The following KIF3A variants were observed in gnomAD, a reference collection of about 807,000 sequenced individuals.
The protein encoded by KIF3A is kinesin family member 3A.
In KIF3A, 27 loss-of-function variants were observed where a neutral mutation model predicts 92.6. The observed-to-expected ratio is 0.29, with a 90% CI of 0.21 to 0.40. The LOEUF (loss-of-function observed/expected upper bound fraction) is 0.40. KIF3A is among the 10% of genes least tolerant of loss of function. The pLI is 1.00. For synonymous variants in KIF3A, 250 were observed against 275.4 expected (o/e 0.91, Z 0.92); for missense variants, 581 against 872.6 (o/e 0.67, Z 4.21).
In KIF3A at chr5:132,737,436, G is replaced by C; in HGVS notation, c.-17C>G. 6.2e-7 allele frequency: 1 copy of C among 1,603,560 alleles called. No homozygotes were observed. Reference sequence around the variant, plus strand: ...CACCGGCATCTTGGCCCCCTCCCGTGCCCGGCGGACGTCCCCGCCCGGGGT... The same window carrying C: ...CACCGGCATCTTGGCCCCCTCCCGTCCCCGGCGGACGTCCCCGCCCGGGGT... On this transcript the variant is annotated 5_prime_UTR_variant, in exon 1 of 19. Transcript: ENST00000403231.
intron 11 of KIF3A, among the ~76,000 whole-genome samples, chr5:132,705,989 T>C (rs985856927): frequency 6.6e-6 from 1 of 152,084 alleles, no homozygotes; most frequent in African/African-American, 2.4e-5. Context: ...GTTAATGCCA[T>C]AAACAGTATT....
intron 13 of KIF3A, 45 bp from the exon 14 acceptor site, chr5:132,702,713 A>G (rs1054954523): frequency 4.2e-6 from 6 of 1,425,438 alleles, no homozygotes; most frequent in Non-Finnish European, 4.9e-6. Context: ...TCTTTGTAAA[A>G]TCAAATATCT....
intron 18 of KIF3A, among the ~76,000 whole-genome samples, chr5:132,698,427 G>C (rs1298164238): frequency 6.6e-6 from 1 of 152,166 alleles, no homozygotes; most frequent in Non-Finnish European, 1.5e-5. Context: ...GTGCCCAAAG[G>C]AGAGGGGGAA....
At chr5:132,729,441 G>A (rs998842883) in intron 2 of KIF3A, among the ~76,000 whole-genome samples, 18 of 144,000 alleles carry the variant, frequency 1.3e-4, no homozygotes, top group Non-Finnish European at 1.8e-4. Flanking sequence ...GACAGGGTGA[G>A]ACCTTGTCTT....
intron 2 of KIF3A, among the ~76,000 whole-genome samples, chr5:132,731,276 A>G (rs1239798450): frequency 1.3e-5 from 2 of 152,202 alleles, no homozygotes; most frequent in Non-Finnish European, 2.9e-5. Context: ...AATTTTTTTA[A>G]TTTAGCAAAT....
At chr5:132,702,830 GAA>G in intron 13 of KIF3A, 53 bp downstream of exon 13, 1 of 1,548,434 alleles carries the variant, frequency 6.5e-7, no homozygotes, top group Non-Finnish European at 8.8e-7. Flanking sequence ...CTTTCCACTA[GAA>G]AAGTTAAATC....
Position 132,715,855 on chromosome 5 carries a change from T to C in KIF3A, c.1031A>G (p.Asn344Ser), listed in dbSNP as rs1753601124. The change falls in exon 8 of 19, where the codon AAT (asparagine) becomes AGT (serine). Residue 344 changes from asparagine (N) to serine (S), a missense_variant. Physicochemically the swap from Asn to Ser is conservative, Grantham distance 46 (BLOSUM62 1). Transcript: ENST00000403231. ...ATTAATTCTAGCTTTATTTTTAATA[T>C]TCTTAGCACGATTGGCATACCGTAA... ...STLRYANRAK[N>S]IKNKARINED... is the part of the protein sequence containing the mutation. The C allele has an allele frequency of 6.2e-7, 1 of 1,610,736 alleles. No individual in the cohort carries two copies. Among genetic ancestry groups the C allele is most frequent in the Non-Finnish European group, 8.5e-7 (1 of 1,177,400 alleles).
intron 8 of KIF3A, among the ~76,000 whole-genome samples, chr5:132,714,156 C>G (rs1406164551): frequency 6.6e-6 from 1 of 152,114 alleles, no homozygotes; most frequent in Admixed American, 6.5e-5. Flanking sequence ...CTCGGCCTCA[C>G]AAAGTGCTGG....
rs993134201 is a variant in KIF3A, at chr5:132,695,412, T to C, written c.*1222A>G. ...GTCTCGAACTCCTGACATCAAGTGA[T>C]CCACGTGCCTCGGCCTCCCAAAGTG... On this transcript the variant is annotated 3_prime_UTR_variant, in exon 19 of 19. Coordinates refer to ENST00000403231, the MANE Select transcript of KIF3A (RefSeq NM_001300791.2). 6.6e-6 allele frequency: 1 copy of C among 152,232 alleles called. No individual in the cohort carries two copies. Among genetic ancestry groups the C allele is most frequent in the Admixed American group, 6.5e-5 (1 of 15,282 alleles). The allele number at this position is 152,232 out of a possible 1,614,324, so 9.4% of individuals were successfully genotyped here.
chr5:132,737,445 AC>A lies in KIF3A; in HGVS notation c.-27del, dbSNP rs767138671. ...CTTGGCCCCCTCCCGTGCCCGGCGG[AC>A]GTCCCCGCCCGGGGTGCAGCCCAGC... On this transcript the variant is annotated 5_prime_UTR_variant, in exon 1 of 19. Coordinates refer to ENST00000403231, the MANE Select transcript of KIF3A (RefSeq NM_001300791.2). 5 of 1,601,994 alleles carry A rather than the reference AC, an allele frequency of 3.1e-6. No homozygotes were observed. In the Admixed American group the frequency reaches 8.5e-5, roughly 27 times the overall value.
At chr5:132,720,765 TTTA>T (rs774504696) in intron 4 of KIF3A, 51 bp from the exon 5 acceptor site, 2 of 1,009,348 alleles carry the variant, frequency 2.0e-6, no homozygotes, top group South Asian at 1.5e-5. Flanking sequence ...TCCACAATTA[TTTA>T]TTGAGTATCT....
chr5:132,698,894 T>C (rs963549841), intron 18 of KIF3A, among the ~76,000 whole-genome samples: 2 of 152,094 alleles, frequency 1.3e-5, no homozygotes, highest in East Asian at 1.9e-4. Context: ...TGCGCCACCA[T>C]GCCTGGTTAA....
chr5:132,698,130 T>C (rs891324672), intron 18 of KIF3A, among the ~76,000 whole-genome samples: 1 of 152,164 alleles, frequency 6.6e-6, no homozygotes, highest in African/African-American at 2.4e-5. Flanking sequence ...AATTTATAAG[T>C]GTTAAGTCAT....
chr5:132,723,024 T>C (rs1370709360), intron 4 of KIF3A: 1 of 152,188 alleles, frequency 6.6e-6, no homozygotes, highest in Non-Finnish European at 1.5e-5. Flanking sequence ...TGTGTATAGG[T>C]AGATTTTATT....
chr5:132,716,582 G>C (rs1161618453), intron 6 of KIF3A, 140 bp from the exon 7 acceptor site: 1 of 790,074 alleles, frequency 1.3e-6, no homozygotes, highest in Admixed American at 2.8e-5. Context: ...TATAGGAAAG[G>C]AAGAAGTGGG....
At chr5:132,702,837 TA>T (rs1276424548) in intron 13 of KIF3A, 47 bp downstream of exon 13, 1 of 1,574,000 alleles carries the variant, frequency 6.4e-7, no homozygotes, top group Non-Finnish European at 8.7e-7. Context: ...CTAGAAAAGT[TA>T]AATCTCTCTG....
chr5:132,723,859 G>A (rs1450168477), intron 4 of KIF3A: 1 of 152,110 alleles, frequency 6.6e-6, no homozygotes, highest in Non-Finnish European at 1.5e-5. Context: ...AGAGTGAACA[G>A]GCAACCTACA....
In KIF3A at chr5:132,696,378, C is replaced by T. The variant is rs183467237; in HGVS notation, c.*256G>A. ...GTAACTCTCTATAGTATGAACTGTT[C>T]CCCCAACTTCCCTGCACAGTACAAT... On this transcript the variant is annotated 3_prime_UTR_variant, in exon 19 of 19. Transcript: ENST00000403231. 547 of 331,392 alleles carry T rather than the reference C, an allele frequency of 1.7e-3. 3 individuals are homozygous for T. Among genetic ancestry groups the T allele is most frequent in the Non-Finnish European group, 2.4e-3 (441 of 180,732 alleles). The allele number at this position is 331,392 out of a possible 1,614,324, so 20.5% of individuals were successfully genotyped here.
Position 132,724,838 on chromosome 5 carries a change from TATATATATATATATATATTA to T in KIF3A, c.510+1270_510+1289del, listed in dbSNP as rs1561709098. Among the ~76,000 whole-genome samples, 33 of 25,064 alleles carry T rather than the reference TATATATATATATATATATTA, an allele frequency of 1.3e-3. 2 individuals carry two copies. The highest frequency in any genetic ancestry group is 4.9e-3 in the Non-Finnish European group (26 of 5,314). The allele number at this position is 25,064 out of a possible 152,430, so 16.4% of individuals were successfully genotyped here. On this transcript the variant is annotated intron_variant, in intron 4 of 18. Transcript: ENST00000403231. ...ATATATATATATATATATATATATA[TATATATATATATATATATTA>T]AAAAATCATTCTAAGAAAGGGATTA...
Sources: allele counts gnomAD v4.1 joint callset (sites outside exome capture counted in the v4.1 genomes callset), GRCh38; gene constraint gnomAD v4.1.1; transcripts MANE v1.5; gene names NCBI Gene and HGNC (gene_info 2026-07-23, HGNC 2026-07-21).